CRIM1: variants seen among roughly 807,000 people sequenced by gnomAD.
CRIM1 encodes the protein cysteine-rich motor neuron 1 protein.
Under a neutral mutation model 116.4 loss-of-function variants are expected in CRIM1, and 32 were observed. The ratio of observed to expected loss-of-function variants is 0.27; its 90% CI spans 0.21 to 0.37. The LOEUF is 0.37. Among genes scored for constraint, CRIM1 ranks in the 10% least tolerant of loss-of-function variants. The pLI, the probability that CRIM1 is intolerant of heterozygous loss-of-function variation, is 1.00. For synonymous variants in CRIM1, 590 were observed against 509.2 expected (o/e 1.16, Z -2.13); for missense variants, 1,331 against 1,354.8 (o/e 0.98, Z 0.28).
intron 1 of CRIM1, among the ~76,000 whole-genome samples, chr2:36,372,178 G>A (rs1180554836): frequency 1.3e-5 from 2 of 152,150 alleles, no homozygotes; most frequent in African/African-American, 4.8e-5. Context: ...GAGGGTGGAA[G>A]TGTGTGACTG....
At chr2:36,509,818 C>G (rs890461583) in intron 8 of CRIM1, among the ~76,000 whole-genome samples, 165 bp from the exon 9 acceptor site, 24 of 152,206 alleles carry the variant, frequency 1.6e-4, no homozygotes, top group African/African-American at 5.8e-4. Context: ...ATGTGATAAC[C>G]ATGAAATAGC....
At chr2:36,531,532 G>C (rs1666121033) in intron 13 of CRIM1, among the ~76,000 whole-genome samples, 1 of 151,980 alleles carries the variant, frequency 6.6e-6, no homozygotes. Context: ...AAATAACACA[G>C]TTCTAGATTT....
At chr2:36,546,550 T>C (rs890789196) in intron 15 of CRIM1, among the ~76,000 whole-genome samples, 1 of 152,110 alleles carries the variant, frequency 6.6e-6, no homozygotes, top group Non-Finnish European at 1.5e-5. Context: ...AATTAATTAA[T>C]AGTAAAAGAA....
chr2:36,376,887 G>A (rs115023916), intron 1 of CRIM1, among the ~76,000 whole-genome samples: 61 of 152,286 alleles, frequency 4.0e-4, no homozygotes, highest in African/African-American at 1.4e-3. Flanking sequence ...TAGCATTTGG[G>A]GGATGGAGTT....
At position 36,479,658 on chromosome 2, in the gene CRIM1, G is replaced by A; in HGVS notation, c.1336G>A (p.Val446Met). 1 of 1,614,206 alleles carries A rather than the reference G, an allele frequency of 6.2e-7. No individual in the cohort carries two copies. The highest frequency in any genetic ancestry group is 1.1e-5 in the South Asian group (1 of 91,078). ...CTGCGGACAGACCTGCACAAACCCT[G>A]TGAAAGTGCCTGGGGAGTGTTGCCC... ...TVCGQTCTNP[V>M]KVPGECCPVC... is the part of the protein sequence containing the mutation. The change falls in exon 7 of 17, where the codon GTG becomes ATG. Residue 446 changes from valine to methionine, a missense_variant. Val to Met is a conservative substitution (Grantham distance 21, BLOSUM62 1). Transcript: ENST00000280527.
chr2:36,370,715 T>C (rs1033844438), intron 1 of CRIM1, among the ~76,000 whole-genome samples: 1 of 152,102 alleles, frequency 6.6e-6, no homozygotes, highest in African/African-American at 2.4e-5. Flanking sequence ...GAAAAGTAGA[T>C]GGTATTAGGA....
chr2:36,371,934 A>G (rs1669972773), intron 1 of CRIM1, among the ~76,000 whole-genome samples: 1 of 152,242 alleles, frequency 6.6e-6, no homozygotes, highest in African/African-American at 2.4e-5. Context: ...TGACTTGGTG[A>G]TAGCAAAATA....
chr2:36,388,455 A>T (rs369077297), intron 1 of CRIM1, among the ~76,000 whole-genome samples: 15 of 152,330 alleles, frequency 9.8e-5, no homozygotes, highest in African/African-American at 3.4e-4. Context: ...GCATTGTACA[A>T]TTTCAATAAA....
intron 2 of CRIM1, among the ~76,000 whole-genome samples, chr2:36,402,094 G>A (rs1057219200): frequency 6.6e-6 from 1 of 152,142 alleles, no homozygotes; most frequent in African/African-American, 2.4e-5. Flanking sequence ...ATGCACCAAG[G>A]GTGTCTCCTA....
intron 2 of CRIM1, among the ~76,000 whole-genome samples, chr2:36,437,778 C>T (rs1414946401): frequency 6.6e-6 from 1 of 152,134 alleles, no homozygotes; most frequent in Non-Finnish European, 1.5e-5. Flanking sequence ...TCTCTTCAGG[C>T]TCGAACTGCA....
chr2:36,457,824 G>A (rs939735372), intron 4 of CRIM1, among the ~76,000 whole-genome samples: 9 of 151,320 alleles, frequency 5.9e-5, no homozygotes, highest in African/African-American at 2.2e-4. Flanking sequence ...ATAGTACATC[G>A]AATTTAATTA....
At chr2:36,535,001 G>A (rs1666434607) in intron 13 of CRIM1, among the ~76,000 whole-genome samples, 1 of 151,862 alleles carries the variant, frequency 6.6e-6, no homozygotes, top group African/African-American at 2.4e-5. Context: ...AAATTTGATG[G>A]CCAAAACTAA....
At chr2:36,370,179 C>T (rs1285151768) in intron 1 of CRIM1, among the ~76,000 whole-genome samples, 1 of 145,006 alleles carries the variant, frequency 6.9e-6, no homozygotes, top group East Asian at 2.0e-4. Context: ...TGACTTATTT[C>T]TTAGTGATTG....
At chr2:36,367,254 A>G (rs1332240659) in intron 1 of CRIM1, among the ~76,000 whole-genome samples, 1 of 152,218 alleles carries the variant, frequency 6.6e-6, no homozygotes, top group Non-Finnish European at 1.5e-5. Flanking sequence ...TATCACATCA[A>G]AATGAAAGAC....
intron 1 of CRIM1, among the ~76,000 whole-genome samples, chr2:36,392,013 T>C (rs1671650865): frequency 6.6e-6 from 1 of 152,194 alleles, no homozygotes; most frequent in Non-Finnish European, 1.5e-5. Flanking sequence ...AGCCCTCAAT[T>C]ATACATCTTA....
intron 5 of CRIM1, among the ~76,000 whole-genome samples, chr2:36,467,893 A>G (rs1325138892): frequency 2.0e-5 from 3 of 152,252 alleles, no homozygotes; most frequent in East Asian, 1.9e-4. Context: ...ATGGAAAGGA[A>G]TGGATTTCAT....
chr2:36,362,346 TG>T (rs1262479277), intron 1 of CRIM1, among the ~76,000 whole-genome samples: 1 of 152,160 alleles, frequency 6.6e-6, no homozygotes, highest in Non-Finnish European at 1.5e-5. Context: ...GGTTTAAAAG[TG>T]TGAGTAGTAG....
rs113557094 is a variant in CRIM1 at position 36,498,865 on chromosome 2, G to A, written c.1373-354G>A. Reference sequence around the variant, plus strand: ...TCCTGATTATTATAAAAAATAAACCGGAAAACATCAGGAAGAAATAGAAGA... The same window carrying A: ...TCCTGATTATTATAAAAAATAAACCAGAAAACATCAGGAAGAAATAGAAGA... On this transcript the variant is annotated intron_variant, in intron 7 of 16. Coordinates refer to ENST00000280527, the MANE Select transcript of CRIM1 (RefSeq NM_016441.3). 1.1e-3 allele frequency among the ~76,000 whole-genome samples: 166 copies of A among 152,240 alleles called. 2 individuals are homozygous for A. Among genetic ancestry groups the A allele is most frequent in the African/African-American group, 3.4e-3 (142 of 41,556 alleles).
chr2:36,438,395 A>G (rs1558584011), intron 2 of CRIM1, among the ~76,000 whole-genome samples: 2 of 152,242 alleles, frequency 1.3e-5, no homozygotes, highest in Non-Finnish European at 2.9e-5. Flanking sequence ...TAAGCAGTCT[A>G]CCAAATGCAG....
Sources: allele counts gnomAD v4.1 joint callset (sites outside exome capture counted in the v4.1 genomes callset), GRCh38; gene constraint gnomAD v4.1.1; transcripts MANE v1.5; gene names NCBI Gene and HGNC (gene_info 2026-07-23, HGNC 2026-07-21).